The following HS1BP3 variants were observed in gnomAD, a reference collection of about 807,000 sequenced individuals.
HS1BP3 encodes the protein HCLS1-binding protein 3.
Under a neutral mutation model 33.5 loss-of-function variants are expected in HS1BP3, and 32 were observed. The observed-to-expected ratio is 0.95, with a 90% confidence interval of 0.72 to 1.28. The LOEUF (loss-of-function observed/expected upper bound fraction) is 1.28, where lower values mean the gene tolerates loss of function less well. Ranked by LOEUF, HS1BP3 falls within the 50% of genes most tolerant of loss-of-function variation. The pLI is 0.00. For missense variants in HS1BP3, 486 were observed against 502.3 expected, an observed-to-expected ratio of 0.97 and a Z score of 0.31; for synonymous variants, 187 against 209.2, an observed-to-expected ratio of 0.89 and a Z score of 0.92.
chr2:20,642,675 G>A (rs777105170), intron 2 of HS1BP3, among the ~76,000 whole-genome samples: 19 of 152,228 alleles, frequency 1.2e-4, no homozygotes, highest in Admixed American at 6.5e-5. Flanking sequence ...TGAGTACTCC[G>A]GAGCTGTAGG....
rs149437253 is a variant in HS1BP3, at chr2:20,612,709, C to T, written c.178+11187G>A. 1.8e-3 allele frequency among the ~76,000 whole-genome samples: 276 copies of T among 152,282 alleles called. 1 individual carries two copies. The highest frequency in any genetic ancestry group is 6.3e-3 in the African/African-American group (261 of 41,548). On this transcript the variant is annotated intron_variant, in intron 2 of 3. Transcript: ENST00000415264. The stretch of plus-strand genomic sequence containing the variant: ...TTACTGCATTTAGTTTATCCATTCA[C>T]CAGCCGAGAGGCTTTTCCATTGTTT...
chr2:20,649,428 T>G (rs1695618625), intron 1 of HS1BP3, among the ~76,000 whole-genome samples: 4 of 152,236 alleles, frequency 2.6e-5, no homozygotes, highest in Admixed American at 2.6e-4. Context: ...GAAAACAGCA[T>G]GCATGCCTCC....
chr2:20,560,316 G>A (rs190857337), downstream of HS1BP3: 3 of 152,440 alleles, frequency 2.0e-5, no homozygotes, highest in Non-Finnish European at 4.4e-5. Flanking sequence ...GCAGCACCCA[G>A]GCCTGGGGAA....
intron 4 of HS1BP3, chr2:20,637,037 C>A (rs572911756): frequency 2.7e-5 from 4 of 148,714 alleles, no homozygotes; most frequent in East Asian, 2.2e-4. Context: ...TGCCCCCGCC[C>A]CCCCCGCCCC....
rs1417614152 is a variant in HS1BP3 at position 20,623,655 on chromosome 2, G to T, written c.920+241C>A. The T allele has an allele frequency of 2.3e-5, 10 of 432,300 alleles. No homozygotes were observed. The South Asian group carries it at 3.8e-4, about 16-fold the overall frequency. 26.8% of individuals were successfully genotyped at this position (432,300 alleles called of 1,614,324 possible). A position where few individuals can be genotyped will look rare whatever the true frequency, so the allele number is the denominator to read the frequency against. On this transcript the variant is annotated intron_variant, in intron 6 of 6. Transcript: ENST00000304031. ...AAATATGATTGTGAAAAGAAAGACTGGTTGTGCACACAAAGTTCTCTCTTT... is the reference window on the plus strand; with the variant it reads ...AAATATGATTGTGAAAAGAAAGACTTGTTGTGCACACAAAGTTCTCTCTTT...
intron 5 of HS1BP3, among the ~76,000 whole-genome samples, chr2:20,561,524 T>A (rs1692995974): frequency 6.6e-6 from 1 of 151,980 alleles, no homozygotes; most frequent in Admixed American, 6.6e-5. Flanking sequence ...CTTCCCTCCA[T>A]CACACACATA....
chr2:20,554,868 C>A, the HS1BP3 span, among the ~76,000 whole-genome samples: 1 of 152,032 alleles, frequency 6.6e-6, no homozygotes, highest in African/African-American at 2.4e-5. Flanking sequence ...ATCCTTGCAT[C>A]CACCCCCTAC....
At chr2:20,595,238 T>C (rs1572318641) in intron 3 of HS1BP3, among the ~76,000 whole-genome samples, 1 of 152,166 alleles carries the variant, frequency 6.6e-6, no homozygotes, top group South Asian at 2.1e-4. Flanking sequence ...AGAAACGCCA[T>C]GGCCCGGGAA....
intron 5 of HS1BP3, among the ~76,000 whole-genome samples, chr2:20,561,023 C>T (rs1347610506): frequency 4.6e-5 from 7 of 152,204 alleles, no homozygotes; most frequent in Non-Finnish European, 2.9e-5. Context: ...GCAGCCAGTA[C>T]ACCCTACCCC....
intron 2 of HS1BP3, among the ~76,000 whole-genome samples, chr2:20,598,589 C>T (rs1572321897): frequency 2.2e-5 from 3 of 135,768 alleles, no homozygotes; most frequent in South Asian, 5.2e-4. Context: ...GACGGAGTCT[C>T]GCTCTGTCGC....
chr2:20,578,182 G>C (rs1693446681), intron 5 of HS1BP3, among the ~76,000 whole-genome samples: 1 of 152,222 alleles, frequency 6.6e-6, no homozygotes. Context: ...GCTCGGGAGA[G>C]TGGCACAGGG....
the HS1BP3 span, among the ~76,000 whole-genome samples, chr2:20,554,342 T>A: frequency 6.6e-6 from 1 of 152,204 alleles, no homozygotes; most frequent in Non-Finnish European, 1.5e-5. Flanking sequence ...CACACGCTCC[T>A]AACACACATT....
intron 4 of HS1BP3, chr2:20,637,367 T>C (rs10169195): frequency 1 from 151,699 of 152,344 alleles, 75,529 homozygotes; most frequent in Non-Finnish European, 1. Flanking sequence ...CTTGTCCCCA[T>C]ATCACCCACT....
At chr2:20,588,525 G>A (rs756664634), downstream of HS1BP3, among the ~76,000 whole-genome samples, 4 of 152,046 alleles carry the variant, frequency 2.6e-5, no homozygotes, top group African/African-American at 4.8e-5. Flanking sequence ...TCACCATGTT[G>A]GCCAGGCTGG....
Position 20,623,840 on chromosome 2 carries a change from G to C in HS1BP3, c.920+56C>G, listed in dbSNP as rs749116149. The C allele has an allele frequency of 3.3e-5, 51 of 1,545,964 alleles. 1 individual carries two copies. Among genetic ancestry groups the C allele is most frequent in the Middle Eastern group, 2.3e-4 (1 of 4,348 alleles). On this transcript the variant is annotated intron_variant, in intron 6 of 6. Coordinates refer to ENST00000304031, the MANE Select transcript of HS1BP3 (RefSeq NM_022460.4). Reference sequence around the variant, plus strand: ...AGACTGGGCAATGAGCCGGGCCCTTGGCTCTGTCCAGAACACTCTCAGAGC... The same window carrying C: ...AGACTGGGCAATGAGCCGGGCCCTTCGCTCTGTCCAGAACACTCTCAGAGC...
chr2:20,582,756 G>A (rs956446542), intron 5 of HS1BP3, among the ~76,000 whole-genome samples: 3 of 152,138 alleles, frequency 2.0e-5, no homozygotes, highest in Non-Finnish European at 2.9e-5. Flanking sequence ...GGGCAGACGT[G>A]ACCTCAGCTC....
intron 3 of HS1BP3, among the ~76,000 whole-genome samples, chr2:20,597,947 C>G (rs1450416037): frequency 2.0e-5 from 3 of 152,108 alleles, no homozygotes; most frequent in African/African-American, 7.2e-5. Context: ...GCCTCAGTGC[C>G]TAGAGCCAGG....
At chr2:20,563,131 C>T (rs1376418234) in intron 5 of HS1BP3, among the ~76,000 whole-genome samples, 1 of 152,228 alleles carries the variant, frequency 6.6e-6, no homozygotes, top group Non-Finnish European at 1.5e-5. Context: ...CTCTTGGAGC[C>T]AGCCTGCCCT....
At chr2:20,577,050 A>T (rs1693417884) in intron 5 of HS1BP3, among the ~76,000 whole-genome samples, 1 of 152,180 alleles carries the variant, frequency 6.6e-6, no homozygotes, top group Non-Finnish European at 1.5e-5. Context: ...AATTTATGGG[A>T]GAATTTACAA....
Sources: allele counts gnomAD v4.1 joint callset (sites outside exome capture counted in the v4.1 genomes callset), GRCh38; gene constraint gnomAD v4.1.1; transcripts MANE v1.5; gene names NCBI Gene and HGNC (gene_info 2026-07-23, HGNC 2026-07-21).